Variants in GABRB2 observed in about 807,000 individuals in gnomAD.
GABRB2 encodes the protein gamma-aminobutyric acid type A receptor subunit beta2.
In GABRB2, 16 loss-of-function variants were observed where a neutral mutation model predicts 54.7. The observed-to-expected ratio is 0.29, with a 90% CI of 0.20 to 0.44. The LOEUF is 0.44. Ranked by LOEUF, GABRB2 falls within the 20% of genes least tolerant of loss-of-function variation. The pLI is 1.00. For synonymous variants in GABRB2, 244 were observed against 233.8 expected, an observed-to-expected ratio of 1.04 and a Z score of -0.40; for missense variants, 355 against 644.0, an observed-to-expected ratio of 0.55 and a Z score of 4.86.
At chr5:161,384,493 C>T (rs189690494) in intron 5 of GABRB2, among the ~76,000 whole-genome samples, 1 of 152,260 alleles carries the variant, frequency 6.6e-6, no homozygotes, top group Admixed American at 6.5e-5. Flanking sequence ...CAGTGTTCAA[C>T]TTCATTCCTT....
chr5:161,455,339 A>G (rs1757920551), intron 4 of GABRB2, among the ~76,000 whole-genome samples: 1 of 152,086 alleles, frequency 6.6e-6, no homozygotes, highest in Non-Finnish European at 1.5e-5. Context: ...TGAGCCACAC[A>G]TCCTCTGAGA....
At chr5:161,512,221 A>C (rs761558015) in intron 3 of GABRB2, among the ~76,000 whole-genome samples, 1 of 152,034 alleles carries the variant, frequency 6.6e-6, no homozygotes, top group African/African-American at 2.4e-5. Flanking sequence ...ATTTGTTCAC[A>C]AAATTATTTT....
chr5:161,444,519 G>A (rs528197842), intron 4 of GABRB2, among the ~76,000 whole-genome samples: 36 of 152,110 alleles, frequency 2.4e-4, no homozygotes, highest in South Asian at 1.0e-3. Context: ...TGAGAATATC[G>A]CAGTGATTGC....
intron 5 of GABRB2, among the ~76,000 whole-genome samples, chr5:161,349,475 C>G (rs202143262): frequency 6.6e-6 from 1 of 152,030 alleles, no homozygotes; most frequent in African/African-American, 2.4e-5. Flanking sequence ...TCTTTGATAG[C>G]CCACAAATGG....
intron 5 of GABRB2, among the ~76,000 whole-genome samples, chr5:161,354,123 T>C (rs1016449575): frequency 2.0e-5 from 3 of 152,066 alleles, no homozygotes; most frequent in South Asian, 2.1e-4. Flanking sequence ...TCAGATTTTA[T>C]TGGGCCACCA....
chr5:161,539,589 G>A (rs1415080662), intron 3 of GABRB2, among the ~76,000 whole-genome samples: 2 of 152,176 alleles, frequency 1.3e-5, no homozygotes, highest in Non-Finnish European at 2.9e-5. Flanking sequence ...TGGTAAAACT[G>A]AGACTTAGTA....
At chr5:161,522,453 C>T (rs1057119895) in intron 3 of GABRB2, among the ~76,000 whole-genome samples, 6 of 151,684 alleles carry the variant, frequency 4.0e-5, no homozygotes, top group Admixed American at 1.3e-4. Flanking sequence ...ACTACTCTGT[C>T]GGAAAAAAGC....
intron 3 of GABRB2, among the ~76,000 whole-genome samples, chr5:161,523,170 G>A (rs974337016): frequency 8.6e-5 from 13 of 151,458 alleles, no homozygotes; most frequent in African/African-American, 3.1e-4. Context: ...GTAAGTGGCA[G>A]AGCCAAGATT....
intron 4 of GABRB2, among the ~76,000 whole-genome samples, chr5:161,448,598 A>G (rs1757703168): frequency 6.6e-6 from 1 of 152,132 alleles, no homozygotes; most frequent in Non-Finnish European, 1.5e-5. Context: ...GGGTTAATCT[A>G]ATCTTTCAAT....
intron 3 of GABRB2, among the ~76,000 whole-genome samples, chr5:161,496,867 C>A (rs1340465853): frequency 2.0e-5 from 3 of 151,944 alleles, no homozygotes; most frequent in East Asian, 1.9e-4. Flanking sequence ...ATGCCCTTGG[C>A]AAAATATTTT....
intron 5 of GABRB2, among the ~76,000 whole-genome samples, chr5:161,363,958 ATTG>A (rs1236888622): frequency 6.6e-6 from 1 of 152,176 alleles, no homozygotes; most frequent in Non-Finnish European, 1.5e-5. Context: ...ACAGGGGAAA[ATTG>A]TTGTATGTTT....
intron 9 of GABRB2, among the ~76,000 whole-genome samples, chr5:161,301,040 T>G (rs1215278974): frequency 6.6e-6 from 1 of 152,196 alleles, no homozygotes; most frequent in African/African-American, 2.4e-5. Flanking sequence ...GGATTATTAA[T>G]ATTCCAATTC....
intron 3 of GABRB2, among the ~76,000 whole-genome samples, chr5:161,536,359 A>G (rs1228457167): frequency 2.0e-5 from 3 of 152,162 alleles, no homozygotes; most frequent in African/African-American, 7.2e-5. Flanking sequence ...TTGTGTGGGC[A>G]TAATTTGTTT....
chr5:161,461,152 T>C (rs1758108924), intron 3 of GABRB2, among the ~76,000 whole-genome samples: 1 of 152,164 alleles, frequency 6.6e-6, no homozygotes, highest in Non-Finnish European at 1.5e-5. Context: ...ATGGTAGTAA[T>C]TGTAAGAGTT....
At chr5:161,488,771 G>A (rs1759009249) in intron 3 of GABRB2, among the ~76,000 whole-genome samples, 1 of 151,628 alleles carries the variant, frequency 6.6e-6, no homozygotes, top group African/African-American at 2.4e-5. Context: ...TGTTACTAAT[G>A]TTATGTGGTT....
At chr5:161,536,263 G>C (rs1477643822) in intron 3 of GABRB2, among the ~76,000 whole-genome samples, 2 of 152,094 alleles carry the variant, frequency 1.3e-5, no homozygotes, top group African/African-American at 4.8e-5. Flanking sequence ...GGGGATGAGA[G>C]GAGAAACGGA....
chr5:161,544,726 T>C (rs1038970155), intron 3 of GABRB2, among the ~76,000 whole-genome samples: 1 of 152,008 alleles, frequency 6.6e-6, no homozygotes, highest in African/African-American at 2.4e-5. Flanking sequence ...AACAATGGAG[T>C]TGGGGCAGGA....
chr5:161,291,129 T>A lies in GABRB2; in HGVS notation c.*2952A>T, dbSNP rs1375086534. On this transcript the variant is annotated 3_prime_UTR_variant, in exon 10 of 10. Coordinates refer to ENST00000393959, the MANE Select transcript of GABRB2 (RefSeq NM_001371727.1). ...TGCATTTCATACCTACTAGCGGTCA[T>A]GTACAATATATATATATACAGATTG... 6.6e-6 allele frequency: 1 copy of A among 152,562 alleles called. No homozygotes were observed. The allele number at this position is 152,562 out of a possible 1,614,324, so 9.5% of individuals were successfully genotyped here. A position where few individuals can be genotyped will look rare whatever the true frequency, so the allele number is the denominator to read the frequency against.
At chr5:161,409,012 A>G (rs1756428234) in intron 5 of GABRB2, among the ~76,000 whole-genome samples, 1 of 152,134 alleles carries the variant, frequency 6.6e-6, no homozygotes, top group South Asian at 2.1e-4. Flanking sequence ...TTATTAATAT[A>G]ACACCATATC....
Sources: gnomAD v4.1 joint callset for allele counts (sites outside exome capture counted in the v4.1 genomes callset) on GRCh38, gnomAD v4.1.1 for gene constraint, MANE v1.5 for transcripts, NCBI Gene and HGNC (gene_info 2026-07-23, HGNC 2026-07-21) for gene names.